The following PCDH11X variants were observed in gnomAD, a reference collection of about 807,000 sequenced individuals.
PCDH11X encodes protocadherin 11 X-linked.
In PCDH11X, 18 loss-of-function variants were observed where a neutral mutation model predicts 53.3. That is an observed-to-expected ratio of 0.34 (90% CI 0.23 to 0.50). The LOEUF (loss-of-function observed/expected upper bound fraction) is 0.50. PCDH11X is among the 20% of genes least tolerant of loss of function. PCDH11X has a pLI of 0.98. For missense variants in PCDH11X, 570 were observed against 1,032.4 expected (o/e 0.55, Z 6.14); for synonymous variants, 279 against 393.3 (o/e 0.71, Z 3.44).
intron 10 of PCDH11X, among the ~76,000 whole-genome samples, chrX:92,579,511 A>G (rs1011238035): frequency 9.0e-6 from 1 of 110,710 alleles, no homozygotes; most frequent in African/African-American, 3.3e-5. Context: ...TTCAAACTCT[A>G]TATCTTTTCT....
chrX:92,471,667 G>T (rs2073265280), intron 10 of PCDH11X, among the ~76,000 whole-genome samples: 1 of 108,332 alleles, frequency 9.2e-6, no homozygotes, highest in Admixed American at 1.0e-4. Context: ...TCTGTCTTTA[G>T]GTCTTTGAGT....
At chrX:91,997,794 A>G (rs376912174) in intron 6 of PCDH11X, among the ~76,000 whole-genome samples, 80 of 111,458 alleles carry the variant, frequency 7.2e-4, no homozygotes, top group African/African-American at 2.5e-3. Flanking sequence ...GATTGCTTAT[A>G]TTGTAATTTT....
rs187992631 is a variant in PCDH11X at position 92,323,937 on chromosome X, G to T, written c.3144+60794G>T. Among the ~76,000 whole-genome samples, 446 of 108,417 alleles carry T rather than the reference G, an allele frequency of 4.1e-3. 18 individuals carry two copies. The East Asian group carries it at 0.11, about 28-fold the overall frequency. 94.1% of individuals were successfully genotyped at this position (108,417 alleles called of 115,157 possible). A position where few individuals can be genotyped will look rare whatever the true frequency, so the allele number is the denominator to read the frequency against. Reference sequence around the variant, plus strand: ...TTACCAATCCAGGAAAATTAATTCTGTTAAAAATACAATTCAATAAATCAG... The same window carrying T: ...TTACCAATCCAGGAAAATTAATTCTTTTAAAAATACAATTCAATAAATCAG... On this transcript the variant is annotated intron_variant, in intron 8 of 10. Transcript: ENST00000682573.
chrX:92,305,246 A>T (rs1334546097), intron 8 of PCDH11X, among the ~76,000 whole-genome samples: 1 of 110,531 alleles, frequency 9.0e-6, no homozygotes. Context: ...AGTTATGAGA[A>T]TTACCACATA....
At chrX:92,109,115 T>C (rs776943148) in intron 6 of PCDH11X, among the ~76,000 whole-genome samples, 8 of 111,239 alleles carry the variant, frequency 7.2e-5, no homozygotes, top group East Asian at 2.9e-4. Context: ...CCAGGCACGG[T>C]GGCTCATGCC....
intron 8 of PCDH11X, among the ~76,000 whole-genome samples, chrX:92,317,098 A>G (rs2069094524): frequency 1.8e-5 from 2 of 111,533 alleles, no homozygotes; most frequent in Admixed American, 9.6e-5. Context: ...AGAGAGTGGA[A>G]ATATGATGCG....
At chrX:92,357,878 G>A (rs1284855117) in intron 8 of PCDH11X, among the ~76,000 whole-genome samples, 2 of 110,951 alleles carry the variant, frequency 1.8e-5, no homozygotes, top group Non-Finnish European at 3.8e-5. Context: ...TAATTTTTTA[G>A]GATATATTTT....
intron 10 of PCDH11X, among the ~76,000 whole-genome samples, chrX:92,617,034 T>C (rs981306107): frequency 1.8e-5 from 2 of 111,841 alleles, no homozygotes; most frequent in East Asian, 5.6e-4. Flanking sequence ...TTTCATTTCT[T>C]TTTCTTGCTT....
At chrX:92,287,161 T>C (rs763226441) in intron 8 of PCDH11X, among the ~76,000 whole-genome samples, 1 of 111,639 alleles carries the variant, frequency 9.0e-6, no homozygotes, top group African/African-American at 3.2e-5. Flanking sequence ...TTCTCTTATT[T>C]ATTTTATATT....
chrX:92,148,031 TCCTTCTTTCCCTTCCTTCCTTCCTTC>T (rs2065329832), intron 6 of PCDH11X, among the ~76,000 whole-genome samples: 7 of 82,980 alleles, frequency 8.4e-5, no homozygotes, highest in African/African-American at 3.4e-4. Flanking sequence ...TTCCTTCCTT[TCCTTCTTTCCCTTCCTTCCTTCCTTC>T]CTTTCTTTCT....
intron 9 of PCDH11X, among the ~76,000 whole-genome samples, chrX:92,441,578 G>T (rs2072516883): frequency 8.9e-6 from 1 of 112,293 alleles, no homozygotes; most frequent in South Asian, 3.7e-4. Flanking sequence ...TTCACTTGTT[G>T]TTGAGTCTGT....
At chrX:92,212,208 C>T (rs2066603371) in intron 7 of PCDH11X, among the ~76,000 whole-genome samples, 3 of 110,925 alleles carry the variant, frequency 2.7e-5, no homozygotes, top group Non-Finnish European at 5.7e-5. Flanking sequence ...GATGGGGTTT[C>T]ACCCTGTTGA....
At chrX:92,365,991 G>A (rs1314447475) in intron 8 of PCDH11X, among the ~76,000 whole-genome samples, 10 of 111,336 alleles carry the variant, frequency 9.0e-5, no homozygotes, top group Non-Finnish European at 1.7e-4. Context: ...GATGATGCTG[G>A]TCTCATAAAA....
chrX:91,888,972 A>G (rs1290987567), intron 6 of PCDH11X, among the ~76,000 whole-genome samples: 1 of 112,239 alleles, frequency 8.9e-6, no homozygotes, highest in African/African-American at 3.2e-5. Context: ...AATTGATCAT[A>G]AACAACTGTT....
intron 5 of PCDH11X, among the ~76,000 whole-genome samples, chrX:91,846,796 C>A (rs746955539): frequency 1.8e-5 from 2 of 109,285 alleles, no homozygotes; most frequent in African/African-American, 6.7e-5. Context: ...GAATTATTGA[C>A]ACTTCTTTTT....
intron 6 of PCDH11X, among the ~76,000 whole-genome samples, chrX:91,909,852 T>C (rs1158993641): frequency 8.9e-6 from 1 of 111,911 alleles, no homozygotes; most frequent in African/African-American, 3.2e-5. Flanking sequence ...GATATACCTA[T>C]ACATTGTGAA....
At chrX:91,864,098 C>A (rs1938835413) in intron 5 of PCDH11X, among the ~76,000 whole-genome samples, 1 of 111,236 alleles carries the variant, frequency 9.0e-6, no homozygotes, top group Non-Finnish European at 1.9e-5. Flanking sequence ...TTTTGTACCT[C>A]CAGGTGATTA....
intron 1 of PCDH11X, among the ~76,000 whole-genome samples, chrX:91,780,142 G>T (rs759140427): frequency 1.1e-3 from 125 of 111,890 alleles, no homozygotes; most frequent in Non-Finnish European, 1.8e-3. Context: ...GATGCCTCTA[G>T]CTGAGAAACT....
chrX:92,176,576 C>T (rs1463060348), intron 6 of PCDH11X, among the ~76,000 whole-genome samples: 1 of 111,869 alleles, frequency 8.9e-6, no homozygotes, highest in African/African-American at 3.2e-5. Flanking sequence ...TTCTGTAACT[C>T]AAACTGTCAA....
Sources: allele counts gnomAD v4.1 joint callset (sites outside exome capture counted in the v4.1 genomes callset), GRCh38; gene constraint gnomAD v4.1.1; transcripts MANE v1.5; gene names NCBI Gene and HGNC (gene_info 2026-07-23, HGNC 2026-07-21).